SPTA1: variants seen among roughly 807,000 people sequenced by gnomAD.
The protein encoded by SPTA1 is spectrin alpha, erythrocytic 1, also known as spectrin alpha chain, erythrocytic 1.
Under a neutral mutation model 324.7 loss-of-function variants are expected in SPTA1, and 177 were observed. The ratio of observed to expected loss-of-function variants is 0.55; its 90% CI spans 0.48 to 0.62. SPTA1 has a LOEUF of 0.62. SPTA1 is among the 20% of genes least tolerant of loss of function. The pLI is 0.00. For missense variants in SPTA1, 3,162 were observed against 2,883.6 expected (o/e 1.10, Z -2.21); for synonymous variants, 1,195 against 1,041.3 (o/e 1.15, Z -2.84).
At chr1:158,635,379 A>C (rs11265041) in intron 38 of SPTA1, among the ~76,000 whole-genome samples, 40,520 of 151,318 alleles carry the variant, frequency 0.27, 5,594 homozygotes, top group Middle Eastern at 0.33. Flanking sequence ...CATGATTGTA[A>C]GTTTCCTGAG....
chr1:158,681,769 A>T, intron 3 of SPTA1, 102 bp from the exon 4 acceptor site: 1 of 1,461,736 alleles, frequency 6.8e-7, no homozygotes, highest in African/African-American at 1.4e-5. Flanking sequence ...TTCTTCTCTC[A>T]GTTACTCATG....
Position 158,620,466 on chromosome 1 carries a change from C to A in SPTA1, c.6121G>T (p.Ala2041Ser), listed in dbSNP as rs1649836682. Residue 2041 changes from alanine to serine, a missense_variant and splice_region_variant, in exon 44 of 52, where the codon GCT becomes TCT. Ala to Ser is a moderately conservative substitution (Grantham distance 99). Coordinates refer to ENST00000643759, the MANE Select transcript of SPTA1 (RefSeq NM_003126.4). Reference sequence around the variant, plus strand: ...GCAAATTCCACGAACAGGTCCTCAGCCTGCAGAGAGAAAAAAAAGACACTA... The same window carrying A: ...GCAAATTCCACGAACAGGTCCTCAGACTGCAGAGAGAAAAAAAAGACACTA... Reference protein sequence around the residue: ...LLEKQLPLQKAEDLFVEFAHK... With the variant: ...LLEKQLPLQKSEDLFVEFAHK... 6.2e-7 allele frequency: 1 copy of A among 1,612,406 alleles called. No homozygotes were observed. Among genetic ancestry groups the A allele is most frequent in the Non-Finnish European group, 8.5e-7 (1 of 1,180,014 alleles).
rs2564858 is a variant in SPTA1, at chr1:158,686,491, T to A, written c.24+3A>T. 2 of 1,589,428 alleles carry A rather than the reference T, an allele frequency of 1.3e-6. No individual in the cohort carries two copies. The highest frequency in any genetic ancestry group is 2.2e-5 in the South Asian group (2 of 90,454). ...ATTGCATGGAAGAGAAATATGTACT[T>A]ACGGTTTCCTTTGGAAATTGCTCCA... On this transcript the variant is annotated splice_donor_region_variant and intron_variant, in intron 1 of 51. Transcript: ENST00000643759.
chr1:158,676,113 A>G (rs1654374410), intron 8 of SPTA1, 28 bp downstream of exon 8: 2 of 1,612,712 alleles, frequency 1.2e-6, no homozygotes, highest in African/African-American at 2.7e-5. Flanking sequence ...AGAGATAGGT[A>G]GAGCAATAAA....
intron 2 of SPTA1, 70 bp downstream of exon 2, chr1:158,685,038 A>G: frequency 1.3e-6 from 2 of 1,592,474 alleles, no homozygotes; most frequent in Non-Finnish European, 1.7e-6. Flanking sequence ...ACATTAACAT[A>G]AAGAAAAACC....
rs201463616 is a variant in SPTA1, at chr1:158,623,188, G to T, written c.5915C>A (p.Thr1972Asn). 3.5e-5 allele frequency: 56 copies of T among 1,613,960 alleles called. 1 individual carries two copies. The Admixed American group carries it at 8.8e-4, about 25-fold the overall frequency. ...DFLTLLAKQDTLDASLQSFQQ... is the reference protein window; with the variant it reads ...DFLTLLAKQDNLDASLQSFQQ... ...GAAACTCTGCAGACTGGCATCCAGA[G>T]TGTCCTGAGAAAGATCAGGAGAGAG... is the stretch of plus-strand genomic sequence containing the variant. Residue 1972 changes from threonine (T) to asparagine (N), a missense_variant, in exon 43 of 52, where the codon ACT becomes AAT. Transcript: ENST00000643759.
intron 39 of SPTA1, among the ~76,000 whole-genome samples, chr1:158,630,089 G>A (rs1650573360): frequency 6.6e-6 from 1 of 151,586 alleles, no homozygotes; most frequent in Non-Finnish European, 1.5e-5. Context: ...TGATGTACAA[G>A]GTCAATGAAA....
chr1:158,653,444 C>A lies in SPTA1; in HGVS notation c.3037-19G>T. ...ACCAGTCCTGAAGGGAGAGCAGATC[C>A]CCACTCCGTCATTAATTCTTGGAAA... On this transcript the variant is annotated intron_variant, in intron 21 of 51. Transcript: ENST00000643759. The A allele has an allele frequency of 6.2e-7, 1 of 1,613,654 alleles. No homozygotes were observed. Among genetic ancestry groups the A allele is most frequent in the Non-Finnish European group, 8.5e-7 (1 of 1,179,942 alleles).
chr1:158,670,015 G>T lies in SPTA1; in HGVS notation c.1600-229C>A, dbSNP rs1011751346. 6.6e-5 allele frequency among the ~76,000 whole-genome samples: 10 copies of T among 152,158 alleles called. 1 individual carries two copies. Among genetic ancestry groups the T allele is most frequent in the Admixed American group, 6.5e-4 (10 of 15,280 alleles). ...GTACCACAATATTTTTTAAATACAG[G>T]TTACAGTAAATGAATGCAGATGTTG... On this transcript the variant is annotated intron_variant, in intron 12 of 51. Transcript: ENST00000643759.
intron 39 of SPTA1, among the ~76,000 whole-genome samples, chr1:158,629,434 T>C (rs1038155705): frequency 6.6e-6 from 1 of 151,758 alleles, no homozygotes; most frequent in Non-Finnish European, 1.5e-5. Flanking sequence ...AAGATAGAAC[T>C]AAATCATCAT....
chr1:158,656,922 T>C (rs1252326210), intron 19 of SPTA1, among the ~76,000 whole-genome samples: 1 of 152,226 alleles, frequency 6.6e-6, no homozygotes, highest in Non-Finnish European at 1.5e-5. Flanking sequence ...GAAAAGAGGA[T>C]GCTGTTGATA....
intron 18 of SPTA1, 55 bp from the exon 19 acceptor site, chr1:158,657,749 T>C (rs1652932212): frequency 3.2e-6 from 5 of 1,544,650 alleles, no homozygotes; most frequent in Non-Finnish European, 4.5e-6. Context: ...TTTACCATAC[T>C]CTAATCCTTT....
At chr1:158,651,895 C>T (rs1450334648) in intron 23 of SPTA1, among the ~76,000 whole-genome samples, 5 of 150,340 alleles carry the variant, frequency 3.3e-5, no homozygotes, top group Non-Finnish European at 5.9e-5. Flanking sequence ...CTCTCTCTCT[C>T]TCTCTCTCTC....
chr1:158,666,294 G>T, intron 16 of SPTA1, 22 bp downstream of exon 16: 1 of 1,612,460 alleles, frequency 6.2e-7, no homozygotes, highest in Admixed American at 1.7e-5. Flanking sequence ...GCTTATGGCT[G>T]GCCAAAGAGC....
chr1:158,675,744 G>C (rs964764939), intron 8 of SPTA1, among the ~76,000 whole-genome samples: 1 of 152,162 alleles, frequency 6.6e-6, no homozygotes, highest in African/African-American at 2.4e-5. Context: ...CTGCTACTAA[G>C]TGACTAACGA....
At position 158,636,659 on chromosome 1, in the gene SPTA1, G is replaced by C; in HGVS notation, c.5292C>G (p.Ala1764=). The change falls in exon 37 of 52, where the codon GCC becomes GCG. Residue 1764 remains alanine (A), a synonymous_variant. Coordinates refer to ENST00000643759, the MANE Select transcript of SPTA1 (RefSeq NM_003126.4). ...TTCCTACCTGGATGGCAGGCTCATG[G>C]GCCACCAGCTCCCCCTCTAGGCGTT... is the stretch of plus-strand genomic sequence containing the variant. ...KHKRLEGELV[A]HEPAIQNVLD... is the part of the protein sequence containing the mutation. The C allele has an allele frequency of 6.2e-7, 1 of 1,613,746 alleles. No homozygotes were observed. The highest frequency in any genetic ancestry group is 8.5e-7 in the Non-Finnish European group (1 of 1,179,918).
Position 158,652,577 on chromosome 1 carries a change from A to G in SPTA1, c.3265T>C (p.Tyr1089His), listed in dbSNP as rs1230359683. The G allele has an allele frequency of 6.2e-7, 1 of 1,613,826 alleles. No individual in the cohort carries two copies. The highest frequency in any genetic ancestry group is 1.3e-5 in the African/African-American group (1 of 74,868). The change falls in exon 23 of 52, where the codon TAT becomes CAT. Residue 1089 changes from tyrosine to histidine, a missense_variant. Tyr to His is a moderately conservative substitution (Grantham distance 83). Transcript: ENST00000643759. Reference protein sequence around the residue: ...LQRYNEFLLAYEAGDMLEWIQ... With the variant: ...LQRYNEFLLAHEAGDMLEWIQ... ...CATTCCAGCATGTCTCCTGCCTCAT[A>G]GGCCAATAAAAATTCATTATAACGT...
At chr1:158,676,411 T>C in intron 7 of SPTA1, 116 bp from the exon 8 acceptor site, 1 of 1,099,354 alleles carries the variant, frequency 9.1e-7, no homozygotes, top group South Asian at 1.4e-5. Context: ...GAAATCGACA[T>C]ATGAATAGAT....
intron 20 of SPTA1, among the ~76,000 whole-genome samples, chr1:158,654,969 G>A (rs1185347743): frequency 6.6e-6 from 1 of 151,948 alleles, no homozygotes; most frequent in Non-Finnish European, 1.5e-5. Flanking sequence ...CCCAAAGCAA[G>A]GAAGGAAATA....
Sources: allele counts gnomAD v4.1 joint callset (sites outside exome capture counted in the v4.1 genomes callset), GRCh38; gene constraint gnomAD v4.1.1; transcripts MANE v1.5; gene names NCBI Gene and HGNC (gene_info 2026-07-23, HGNC 2026-07-21).